The following ANOS1 variants were observed in gnomAD, a reference collection of about 807,000 sequenced individuals.
The protein encoded by ANOS1 is anosmin 1.
Under a neutral mutation model 59.0 loss-of-function variants are expected in ANOS1, and 6 were observed. The observed-to-expected ratio is 0.10, with a 90% CI of 0.06 to 0.20. The LOEUF (loss-of-function observed/expected upper bound fraction) is 0.20. ANOS1 is among the 10% of genes least tolerant of loss of function. The probability of loss-of-function intolerance (pLI) is 1.00; values close to 1 mark genes in which losing one functional copy is unlikely to be tolerated. For synonymous variants in ANOS1, 217 were observed against 223.4 expected (o/e 0.97, Z 0.25); for missense variants, 433 against 542.3 (o/e 0.80, Z 2.00).
At chrX:8,725,571 C>CAGATAT (rs1932906466) in intron 1 of ANOS1, among the ~76,000 whole-genome samples, 3 of 9,874 alleles carry the variant, frequency 3.0e-4, no homozygotes, top group East Asian at 0.016. Flanking sequence ...TACAGATATA[C>CAGATAT]ATATATACAG....
intron 4 of ANOS1, among the ~76,000 whole-genome samples, chrX:8,596,486 T>C (rs1437499731): frequency 1.8e-5 from 2 of 112,100 alleles, no homozygotes; most frequent in Non-Finnish European, 3.8e-5. Flanking sequence ...ATATAAACTA[T>C]TGCATTTGCT....
At chrX:8,694,637 C>T (rs1179734724) in intron 2 of ANOS1, among the ~76,000 whole-genome samples, 3 of 112,476 alleles carry the variant, frequency 2.7e-5, no homozygotes, top group African/African-American at 9.7e-5. Flanking sequence ...CACTGCACTA[C>T]AGCCTGGGCA....
intron 2 of ANOS1, among the ~76,000 whole-genome samples, chrX:8,683,256 C>T (rs1224836916): frequency 4.5e-5 from 5 of 110,779 alleles, no homozygotes; most frequent in African/African-American, 1.6e-4. Context: ...GGACGAGGAG[C>T]GATGAAGGAG....
chrX:8,652,905 T>C (rs1358731069), intron 2 of ANOS1, among the ~76,000 whole-genome samples: 1 of 111,007 alleles, frequency 9.0e-6, no homozygotes, highest in Non-Finnish European at 1.9e-5. Context: ...ACCCAGGTTG[T>C]AGAGCAGAGG....
intron 6 of ANOS1, among the ~76,000 whole-genome samples, chrX:8,578,040 C>A (rs1389214307): frequency 9.0e-6 from 1 of 111,356 alleles, no homozygotes. Flanking sequence ...GAGAACAATA[C>A]CTATTTCAAG....
intron 1 of ANOS1, among the ~76,000 whole-genome samples, chrX:8,701,404 C>T (rs1360771051): frequency 4.4e-5 from 5 of 112,376 alleles, no homozygotes; most frequent in Non-Finnish European, 7.5e-5. Flanking sequence ...ATATAATTCA[C>T]AAAATTCACT....
chrX:8,708,791 C>T lies in ANOS1; in HGVS notation c.208-9046G>A, dbSNP rs773843885. 2.7e-5 allele frequency among the ~76,000 whole-genome samples: 3 copies of T among 112,102 alleles called. No homozygotes were observed. In the South Asian group the frequency reaches 1.1e-3, roughly 41 times the overall value. ...TATACCCAAAGGAATATAAATCATT[C>T]TACTATAAAGACACATTCACACATA... On this transcript the variant is annotated intron_variant, in intron 1 of 13. Coordinates refer to ENST00000262648, the MANE Select transcript of ANOS1 (RefSeq NM_000216.4).
intron 3 of ANOS1, among the ~76,000 whole-genome samples, chrX:8,613,318 C>A (rs1490115393): frequency 9.1e-6 from 1 of 110,095 alleles, no homozygotes; most frequent in Non-Finnish European, 1.9e-5. Context: ...AGAAATCCTC[C>A]TGCCTCAGCT....
chrX:8,578,682 G>A (rs1369788403), intron 6 of ANOS1, among the ~76,000 whole-genome samples: 3 of 112,034 alleles, frequency 2.7e-5, no homozygotes, highest in Non-Finnish European at 5.6e-5. Flanking sequence ...AATTTAGAGG[G>A]AAATGAATAT....
chrX:8,554,568 T>TTTGTTGTTGTTG (rs1569047206), intron 8 of ANOS1, among the ~76,000 whole-genome samples: 1 of 94,921 alleles, frequency 1.1e-5, no homozygotes, highest in African/African-American at 4.2e-5. Context: ...TTTTTTTTTT[T>TTTGTTGTTGTTG]TTGTTGTTGT....
rs1049810950 is a variant in ANOS1, at chrX:8,539,769, A to G, written c.1355-11T>C. ...GGTTGACAGTGGGATCTATAATGCC[A>G]AAACACGCAAACAAAAATAATAGGC... is the stretch of plus-strand genomic sequence containing the variant. On this transcript the variant is annotated splice_polypyrimidine_tract_variant and intron_variant, in intron 9 of 13. Coordinates refer to ENST00000262648, the MANE Select transcript of ANOS1 (RefSeq NM_000216.4). The G allele has an allele frequency of 8.3e-7, 1 of 1,208,410 alleles. No homozygotes were observed. The highest frequency in any genetic ancestry group is 1.1e-6 in the Non-Finnish European group (1 of 894,819).
intron 8 of ANOS1, among the ~76,000 whole-genome samples, chrX:8,561,923 T>TC (rs1930039036): frequency 9.0e-6 from 1 of 110,844 alleles, no homozygotes; most frequent in Non-Finnish European, 1.9e-5. Flanking sequence ...TAGGCAAACT[T>TC]TTTCTTTCTT....
chrX:8,705,803 A>G (rs951099548), intron 1 of ANOS1, among the ~76,000 whole-genome samples: 2 of 112,895 alleles, frequency 1.8e-5, no homozygotes, highest in African/African-American at 6.4e-5. Context: ...CTTAAAGCCA[A>G]CAAAGATAAA....
intron 3 of ANOS1, 87 bp from the exon 4 acceptor site, chrX:8,597,343 T>C: frequency 1.2e-6 from 1 of 801,089 alleles, no homozygotes. Flanking sequence ...GTTCAACATT[T>C]TTCCCCACCA....
intron 2 of ANOS1, among the ~76,000 whole-genome samples, chrX:8,626,802 A>T (rs1276773302): frequency 9.5e-6 from 1 of 105,047 alleles, no homozygotes; most frequent in Non-Finnish European, 2.0e-5. Flanking sequence ...CGGAGCTTGC[A>T]GTGAGCCGAG....
At chrX:8,569,370 T>C (rs56911395) in intron 7 of ANOS1, among the ~76,000 whole-genome samples, 30,910 of 111,549 alleles carry the variant, frequency 0.28, 6,083 homozygotes, top group African/African-American at 0.7. Context: ...GGGCTGGGCG[T>C]GGTGGCTCAC....
At chrX:8,656,297 T>C (rs1385037622) in intron 2 of ANOS1, among the ~76,000 whole-genome samples, 1 of 112,614 alleles carries the variant, frequency 8.9e-6, no homozygotes, top group Non-Finnish European at 1.9e-5. Flanking sequence ...CACAGGCTGA[T>C]GCATTAGAAT....
intron 8 of ANOS1, among the ~76,000 whole-genome samples, chrX:8,562,700 G>A (rs1464016775): frequency 8.9e-6 from 1 of 111,748 alleles, no homozygotes; most frequent in Non-Finnish European, 1.9e-5. Context: ...TTTGGAACCT[G>A]TCAAACTTGA....
rs140671543 is a variant in ANOS1 at position 8,562,508 on chromosome X, G to C, written c.1207+5724C>G. Among the ~76,000 whole-genome samples the C allele has an allele frequency of 9.8e-4, 110 of 111,741 alleles. No homozygotes were observed. In the East Asian group the frequency reaches 0.027, roughly 28 times the overall value. ...TACAATATTCTGAAAAAGTTATGAT[G>C]TCTGATTTACACTCGATAGTCATAG... On this transcript the variant is annotated intron_variant, in intron 8 of 13. Coordinates refer to ENST00000262648, the MANE Select transcript of ANOS1 (RefSeq NM_000216.4).
Sources: gnomAD v4.1 joint callset for allele counts (sites outside exome capture counted in the v4.1 genomes callset) on GRCh38, gnomAD v4.1.1 for gene constraint, MANE v1.5 for transcripts, NCBI Gene and HGNC (gene_info 2026-07-23, HGNC 2026-07-21) for gene names.